Variants in PPARGC1A observed in about 807,000 individuals in gnomAD.
PPARGC1A encodes PPARG coactivator 1 alpha, also known as peroxisome proliferator-activated receptor gamma coactivator 1-alpha.
In PPARGC1A, 25 loss-of-function variants were observed where a neutral mutation model predicts 88.7. The ratio of observed to expected loss-of-function variants is 0.28; its 90% CI spans 0.21 to 0.39. The LOEUF is 0.39. Among genes scored for constraint, PPARGC1A ranks in the 10% least tolerant of loss-of-function variants. The probability of loss-of-function intolerance (pLI) is 1.00; values close to 1 mark genes in which losing one functional copy is unlikely to be tolerated. For synonymous variants in PPARGC1A, 363 were observed against 355.6 expected, an observed-to-expected ratio of 1.02 and a Z score of -0.24; for missense variants, 880 against 968.7, an observed-to-expected ratio of 0.91 and a Z score of 1.22.
At chr4:24,429,682 C>T in the PPARGC1A span, among the ~76,000 whole-genome samples, 6 of 145,142 alleles carry the variant, frequency 4.1e-5, no homozygotes, top group Non-Finnish European at 9.0e-5. Flanking sequence ...GAGACAATCT[C>T]GCTCTGTCAC....
chr4:23,913,316 A>G, the PPARGC1A span, among the ~76,000 whole-genome samples: 1 of 138,006 alleles, frequency 7.2e-6, no homozygotes. Context: ...AGAAAGAGAA[A>G]ATCTGTTTCT....
chr4:23,812,585 T>A (rs747703935), intron 10 of PPARGC1A, among the ~76,000 whole-genome samples, 162 bp downstream of exon 10: 9 of 152,154 alleles, frequency 5.9e-5, no homozygotes, highest in Non-Finnish European at 1.3e-4. Context: ...GTTAGGTCAA[T>A]GGGGACCGAA....
chr4:23,824,482 G>C lies in PPARGC1A; in HGVS notation c.784C>G (p.Leu262Val). ...ACTTACTTTGGTGACTCTGGGGTCA[G>C]AGGAAGAGATAAAGTTGTTGGTTTG... Reference protein sequence around the residue: ...QAKPTTLSLPLTPESPNDPKG... With the variant: ...QAKPTTLSLPVTPESPNDPKG... Residue 262 changes from leucine (L) to valine (V), a missense_variant, in exon 6 of 13, where the codon CTG (leucine) becomes GTG (valine). Leu to Val is a conservative substitution (Grantham distance 32). Coordinates refer to ENST00000264867, the MANE Select transcript of PPARGC1A (RefSeq NM_013261.5). 6.2e-7 allele frequency: 1 copy of C among 1,608,862 alleles called. No individual in the cohort carries two copies. The highest frequency in any genetic ancestry group is 8.5e-7 in the Non-Finnish European group (1 of 1,175,922).
the PPARGC1A span, among the ~76,000 whole-genome samples, chr4:24,259,158 A>G: frequency 1.3e-5 from 2 of 152,172 alleles, no homozygotes; most frequent in Admixed American, 1.3e-4. Flanking sequence ...TATGAGCCAT[A>G]CTATTTGGGA....
the PPARGC1A span, among the ~76,000 whole-genome samples, chr4:24,294,687 T>C: frequency 1.3e-5 from 2 of 152,180 alleles, no homozygotes; most frequent in African/African-American, 4.8e-5. Flanking sequence ...CATTCATAGA[T>C]ACCAAATCAC....
chr4:23,798,634 A>G (rs1330113061), intron 12 of PPARGC1A, among the ~76,000 whole-genome samples: 1 of 152,184 alleles, frequency 6.6e-6, no homozygotes, highest in Non-Finnish European at 1.5e-5. Context: ...ATTCCTAATC[A>G]AAACTATTAC....
the PPARGC1A span, among the ~76,000 whole-genome samples, chr4:23,922,994 T>A: frequency 6.6e-6 from 1 of 152,180 alleles, no homozygotes; most frequent in Non-Finnish European, 1.5e-5. Flanking sequence ...AGTTCTTGAC[T>A]TTTCCCCAGG....
At chr4:24,406,356 G>C in the PPARGC1A span, among the ~76,000 whole-genome samples, 1 of 152,188 alleles carries the variant, frequency 6.6e-6, no homozygotes, top group East Asian at 1.9e-4. Context: ...CTGGGAACCT[G>C]TGTCCCTGTG....
the PPARGC1A span, among the ~76,000 whole-genome samples, chr4:24,277,379 G>A: frequency 6.6e-6 from 1 of 151,992 alleles, no homozygotes; most frequent in African/African-American, 2.4e-5. Flanking sequence ...ATATACAGTG[G>A]GCCCCCAACT....
At chr4:23,907,897 C>T (rs566263912), upstream of PPARGC1A, among the ~76,000 whole-genome samples, 2 of 152,268 alleles carry the variant, frequency 1.3e-5, no homozygotes, top group Admixed American at 6.5e-5. Context: ...TGGGAAGCAG[C>T]GGCTCATGTT....
At chr4:24,033,249 G>A in the PPARGC1A span, among the ~76,000 whole-genome samples, 6 of 152,184 alleles carry the variant, frequency 3.9e-5, no homozygotes, top group Non-Finnish European at 8.8e-5. Flanking sequence ...AATTAGAATA[G>A]TCCCTCCCTC....
At chr4:24,075,863 T>C in the PPARGC1A span, among the ~76,000 whole-genome samples, 5 of 152,098 alleles carry the variant, frequency 3.3e-5, no homozygotes, top group African/African-American at 1.2e-4. Flanking sequence ...ATTACCAGCG[T>C]GAGAACAGAC....
At chr4:24,424,566 C>T in the PPARGC1A span, among the ~76,000 whole-genome samples, 1 of 152,128 alleles carries the variant, frequency 6.6e-6, no homozygotes, top group African/African-American at 2.4e-5. Flanking sequence ...TGAGCCACCG[C>T]GCCCAGCCGC....
intron 2 of PPARGC1A, among the ~76,000 whole-genome samples, chr4:23,873,203 T>TAA (rs1560487976): frequency 9.2e-6 from 1 of 109,070 alleles, no homozygotes; most frequent in Admixed American, 1.0e-4. Context: ...GTCTCAAAAA[T>TAA]AAAAAATAAA....
intron 2 of PPARGC1A, among the ~76,000 whole-genome samples, chr4:23,879,029 C>T (rs554319164): frequency 2.0e-5 from 3 of 151,012 alleles, no homozygotes; most frequent in East Asian, 3.9e-4. Flanking sequence ...GGCTGTGGGC[C>T]GTAAATTTAA....
chr4:24,009,507 G>A, the PPARGC1A span, among the ~76,000 whole-genome samples: 5 of 152,210 alleles, frequency 3.3e-5, no homozygotes, highest in Admixed American at 2.6e-4. Context: ...AGGATGACAG[G>A]CAGTGAGAAG....
the PPARGC1A span, among the ~76,000 whole-genome samples, chr4:24,421,551 T>C: frequency 6.6e-6 from 1 of 152,102 alleles, no homozygotes; most frequent in Non-Finnish European, 1.5e-5. Flanking sequence ...GACCTCGTGA[T>C]CCACCCGCCT....
At chr4:24,304,489 G>T in the PPARGC1A span, among the ~76,000 whole-genome samples, 1 of 152,270 alleles carries the variant, frequency 6.6e-6, no homozygotes, top group East Asian at 1.9e-4. Context: ...ACCAAGAGGG[G>T]TTGGAGACAC....
At chr4:24,472,322 G>T in the PPARGC1A span, among the ~76,000 whole-genome samples, 1 of 146,824 alleles carries the variant, frequency 6.8e-6, no homozygotes, top group Non-Finnish European at 1.5e-5. The surrounding 1 kb of genome is among the most constrained non-coding windows in gnomAD (Gnocchi z 4.5). Context: ...CCAAGTGAGC[G>T]CGCGGCAGGG....
Sources: allele counts gnomAD v4.1 joint callset (sites outside exome capture counted in the v4.1 genomes callset), GRCh38; gene constraint gnomAD v4.1.1; non-coding constraint Gnocchi (gnomAD v3.1); transcripts MANE v1.5; gene names NCBI Gene and HGNC (gene_info 2026-07-23, HGNC 2026-07-21).